The following TMEM132B variants were observed in gnomAD, a reference collection of about 807,000 sequenced individuals.
TMEM132B encodes the protein transmembrane protein 132B.
Under a neutral mutation model 90.8 loss-of-function variants are expected in TMEM132B, and 18 were observed. The ratio of observed to expected loss-of-function variants is 0.20; its 90% CI spans 0.14 to 0.29. The LOEUF is 0.29. Among genes scored for constraint, TMEM132B ranks in the 10% least tolerant of loss-of-function variants. The pLI, the probability that TMEM132B is intolerant of heterozygous loss-of-function variation, is 1.00. For missense variants in TMEM132B, 1,096 were observed against 1,326.8 expected, an observed-to-expected ratio of 0.83 and a Z score of 2.70; for synonymous variants, 504 against 523.3, an observed-to-expected ratio of 0.96 and a Z score of 0.50.
chr12:125,346,184 T>C, intron 1 of TMEM132B, among the ~76,000 whole-genome samples: 1 of 152,160 alleles, frequency 6.6e-6, no homozygotes, highest in South Asian at 2.1e-4. Flanking sequence ...TTGGCTACAA[T>C]GAAGAAGAGA....
chr12:125,562,328 T>C (rs1319802816), intron 4 of TMEM132B, among the ~76,000 whole-genome samples: 3 of 152,244 alleles, frequency 2.0e-5, no homozygotes, highest in Non-Finnish European at 4.4e-5. Flanking sequence ...ACTGACATTT[T>C]CTCCACATAA....
chr12:125,437,420 C>T (rs1462512390), intron 3 of TMEM132B, among the ~76,000 whole-genome samples: 2 of 152,158 alleles, frequency 1.3e-5, no homozygotes, highest in Non-Finnish European at 2.9e-5. Flanking sequence ...TGTTTGAACA[C>T]CTGTTTTCAG....
At chr12:125,187,366 C>T (rs1448342145) in intron 1 of TMEM132B, among the ~76,000 whole-genome samples, 10 of 152,228 alleles carry the variant, frequency 6.6e-5, no homozygotes, top group Admixed American at 6.5e-5. Context: ...AGCCCCTCCC[C>T]ACGCCCCGCG....
intron 4 of TMEM132B, among the ~76,000 whole-genome samples, chr12:125,563,147 G>GTAATAA (rs143547141): frequency 0.033 from 4,497 of 138,344 alleles, 97 homozygotes; most frequent in East Asian, 0.05. Flanking sequence ...ACCATAATGC[G>GTAATAA]TAATAATAAT....
rs561634332 is a variant in TMEM132B at position 125,389,760 on chromosome 12, T to C, written c.960-25771T>C. 2.0e-5 allele frequency among the ~76,000 whole-genome samples: 3 copies of C among 152,320 alleles called. 1 individual carries two copies. The South Asian group carries it at 6.2e-4, about 32-fold the overall frequency. On this transcript the variant is annotated intron_variant, in intron 2 of 8. Transcript: ENST00000682704. Reference sequence around the variant, plus strand: ...TGTGGCAGGGTTTCTTCTAGATACATTGGCAGTCTTTTAGCACCACTGCTC... The same window carrying C: ...TGTGGCAGGGTTTCTTCTAGATACACTGGCAGTCTTTTAGCACCACTGCTC...
chr12:125,372,677 T>G (rs1297164927), intron 2 of TMEM132B, among the ~76,000 whole-genome samples: 1 of 152,198 alleles, frequency 6.6e-6, no homozygotes, highest in Non-Finnish European at 1.5e-5. Context: ...GAAAGGCAGC[T>G]GGGAGGTAAA....
In TMEM132B at chr12:125,659,138, T is replaced by G. The variant is rs1484376597; in HGVS notation, c.*4428T>G. On this transcript the variant is annotated 3_prime_UTR_variant, in exon 9 of 9. Coordinates refer to ENST00000682704, the MANE Select transcript of TMEM132B (RefSeq NM_001366854.1). ...ATTTTTTCTTTTCAGCCAGAGATTT[T>G]AATACCCTTGATGCAGTAATAAATG... is the stretch of plus-strand genomic sequence containing the variant. 6.6e-6 allele frequency: 1 copy of G among 152,236 alleles called. No homozygotes were observed. Among genetic ancestry groups the G allele is most frequent in the South Asian group, 2.1e-4 (1 of 4,830 alleles). 9.4% of individuals were successfully genotyped at this position (152,236 alleles called of 1,614,324 possible). A position where few individuals can be genotyped will look rare whatever the true frequency, so the allele number is the denominator to read the frequency against.
At chr12:125,568,952 C>A (rs2079302) in intron 4 of TMEM132B, among the ~76,000 whole-genome samples, 1 of 152,108 alleles carries the variant, frequency 6.6e-6, no homozygotes, top group Non-Finnish European at 1.5e-5. Context: ...AGTGTGATTC[C>A]CACCCAGTTC....
rs74598480 is a variant in TMEM132B at position 125,471,566 on chromosome 12, C to T, written c.1107-47873C>T. ...CAGACATCCTGTCCCCAGTGGACGT[C>T]GGGTTGGTCTTTGCAGGGAGCCGCT... On this transcript the variant is annotated intron_variant, in intron 3 of 8. Transcript: ENST00000682704. Among the ~76,000 whole-genome samples the T allele has an allele frequency of 3.7e-3, 568 of 152,226 alleles. 4 individuals carry two copies. Among genetic ancestry groups the T allele is most frequent in the African/African-American group, 0.013 (538 of 41,532 alleles).
Position 125,653,990 on chromosome 12 carries a change from C to T in TMEM132B, c.2532C>T (p.Gly844=). 1.2e-6 allele frequency: 2 copies of T among 1,614,142 alleles called. No individual in the cohort carries two copies. The highest frequency in any genetic ancestry group is 1.6e-4 in the Middle Eastern group (1 of 6,062). Residue 844 remains glycine (G), a synonymous_variant, in exon 9 of 9, where the codon GGC becomes GGT. Coordinates refer to ENST00000682704, the MANE Select transcript of TMEM132B (RefSeq NM_001366854.1). The stretch of plus-strand genomic sequence containing the variant: ...GGTTCCACCGTGGCACACCTGTTGG[C>T]CAAGAGGAAAGTACCAACAAAAGCA... The part of the protein sequence containing the change: ...QEWFHRGTPV[G]QEESTNKSTT...
chr12:125,403,740 G>A (rs1485692168), intron 2 of TMEM132B, among the ~76,000 whole-genome samples: 2 of 152,174 alleles, frequency 1.3e-5, no homozygotes, highest in East Asian at 3.9e-4. Context: ...GCATTCATTT[G>A]TTCTGTTGTA....
intron 1 of TMEM132B, among the ~76,000 whole-genome samples, chr12:125,334,808 G>T (rs1023638182): frequency 6.6e-6 from 1 of 152,190 alleles, no homozygotes; most frequent in South Asian, 2.1e-4. Flanking sequence ...TGCCATGCAC[G>T]ACCGTCTCAT....
rs557069566 is a variant in TMEM132B, at chr12:125,565,241, G to A, written c.1294-18610G>A. ...CTGAAACAGGAGAGTTCCCTGACCC[G>A]CCTTGCAGGATGCGAGACAGAATCG... On this transcript the variant is annotated intron_variant, in intron 4 of 8. Coordinates refer to ENST00000682704, the MANE Select transcript of TMEM132B (RefSeq NM_001366854.1). Among the ~76,000 whole-genome samples the A allele has an allele frequency of 1.4e-4, 21 of 152,284 alleles. No homozygotes were observed. In the South Asian group the frequency reaches 3.1e-3, roughly 23 times the overall value.
chr12:125,422,649 G>A, intron 3 of TMEM132B, among the ~76,000 whole-genome samples: 1 of 152,218 alleles, frequency 6.6e-6, no homozygotes, highest in East Asian at 1.9e-4. Context: ...GATTAGCTGA[G>A]TGGACCCTAA....
chr12:125,413,406 G>A (rs891088307), intron 2 of TMEM132B, among the ~76,000 whole-genome samples: 2 of 151,920 alleles, frequency 1.3e-5, no homozygotes, highest in African/African-American at 4.8e-5. Context: ...TCACAGTGCC[G>A]TTGGACCACC....
rs948574904 is a variant in TMEM132B, at chr12:125,415,421, C to T, written c.960-110C>T. 2.3e-6 allele frequency: 3 copies of T among 1,315,866 alleles called. No homozygotes were observed. The highest frequency in any genetic ancestry group is 1.7e-5 in the South Asian group (1 of 58,770). 81.5% of individuals were successfully genotyped at this position (1,315,866 alleles called of 1,614,324 possible). On this transcript the variant is annotated intron_variant, in intron 2 of 8. Transcript: ENST00000682704. This position sits in a 1 kb window ranked among gnomAD's most constrained non-coding sequence, Gnocchi z 5.3. ...CCCCACATCTCCCAGAGGAAGGGGG[C>T]GATGTTACAGATGCTTTCCCAGTGA...
At chr12:125,631,457 A>G (rs1660841298) in intron 5 of TMEM132B, among the ~76,000 whole-genome samples, 1 of 152,192 alleles carries the variant, frequency 6.6e-6, no homozygotes, top group Admixed American at 6.5e-5. Context: ...AAGAATGTAT[A>G]TTCTGCAGGC....
At chr12:125,348,656 G>A (rs556906149) in intron 1 of TMEM132B, among the ~76,000 whole-genome samples, 26 of 152,218 alleles carry the variant, frequency 1.7e-4, no homozygotes, top group African/African-American at 5.8e-4. Flanking sequence ...TTATTAACTC[G>A]TTAATCCTTG....
chr12:125,396,322 T>C (rs1337364635), intron 2 of TMEM132B, among the ~76,000 whole-genome samples: 1 of 152,198 alleles, frequency 6.6e-6, no homozygotes, highest in Non-Finnish European at 1.5e-5. Flanking sequence ...GATGATTCTT[T>C]TGGATGTCAG....
Sources: allele counts gnomAD v4.1 joint callset (sites outside exome capture counted in the v4.1 genomes callset), GRCh38; gene constraint gnomAD v4.1.1; non-coding constraint Gnocchi (gnomAD v3.1); transcripts MANE v1.5; gene names NCBI Gene and HGNC (gene_info 2026-07-23, HGNC 2026-07-21).